The following CASZ1 variants were observed in gnomAD, a reference collection of about 807,000 sequenced individuals.
The protein encoded by CASZ1 is castor zinc finger 1.
A neutral mutation model predicts 135.2 loss-of-function variants in CASZ1; 28 were observed. The observed-to-expected ratio is 0.21, with a 90% CI of 0.15 to 0.28. The LOEUF is 0.28. Ranked by LOEUF, CASZ1 falls within the 10% of genes least tolerant of loss-of-function variation. CASZ1 has a pLI of 1.00. For synonymous variants in CASZ1, 1,068 were observed against 1,073.4 expected, an observed-to-expected ratio of 0.99 and a Z score of 0.10; for missense variants, 2,161 against 2,453.3, an observed-to-expected ratio of 0.88 and a Z score of 2.52.
chr1:10,758,424 C>T (rs552365151), intron 2 of CASZ1, among the ~76,000 whole-genome samples: 11 of 151,578 alleles, frequency 7.3e-5, no homozygotes, highest in South Asian at 2.1e-4. Flanking sequence ...CTCCGCCTCC[C>T]GGGTTCAAGT....
intron 1 of CASZ1, among the ~76,000 whole-genome samples, chr1:10,785,973 A>C (rs538302474): frequency 2.0e-4 from 30 of 152,346 alleles, no homozygotes; most frequent in Admixed American, 1.9e-3. Flanking sequence ...CGAGGAATGA[A>C]TCGTCCAAGT....
intron 1 of CASZ1, among the ~76,000 whole-genome samples, chr1:10,792,319 T>TCCCCCTCCCCTCCCC (rs201406555): frequency 5.9e-5 from 1 of 16,918 alleles, no homozygotes; most frequent in African/African-American, 2.9e-4. Context: ...GGCTTACCCC[T>TCCCCCTCCCCTCCCC]CCCCCCCGCC....
At chr1:10,730,267 C>T (rs530935794) in intron 2 of CASZ1, among the ~76,000 whole-genome samples, 44 of 152,272 alleles carry the variant, frequency 2.9e-4, no homozygotes, top group African/African-American at 1.0e-3. Context: ...CCCACCACCT[C>T]AGGTGATCTG....
At chr1:10,704,562 C>T (rs1043830567) in intron 3 of CASZ1, 29 of 152,258 alleles carry the variant, frequency 1.9e-4, no homozygotes, top group African/African-American at 6.8e-4. Context: ...TCTCCGTCCT[C>T]CTGGGGGGAA....
rs1355820365 is a variant in CASZ1, at chr1:10,645,030, A to T, written c.3755T>A (p.Val1252Glu). 5 of 1,614,048 alleles carry T rather than the reference A, an allele frequency of 3.1e-6. No individual in the cohort carries two copies. The highest frequency in any genetic ancestry group is 4.2e-6 in the Non-Finnish European group (5 of 1,180,006). Residue 1252 changes from valine to glutamate, a missense_variant, in exon 18 of 21, where the codon GTG becomes GAG. Transcript: ENST00000377022. ...GGGGAGCTTGGTGGTGATGTTGGTC[A>T]CAAAATAGCAGCCGGTGCGGAGGCA... ...YHCLRTGCYF[V>E]TNITTKLPWH... is the part of the protein sequence containing the mutation.
At chr1:10,652,949 C>T (rs1391566549) in intron 11 of CASZ1, 2 of 247,872 alleles carry the variant, frequency 8.1e-6, no homozygotes, top group African/African-American at 2.3e-5. Flanking sequence ...GAGGTGCAGC[C>T]CCACTACCGC....
intron 4 of CASZ1, among the ~76,000 whole-genome samples, chr1:10,688,233 ACC>A (rs1638656912): frequency 6.6e-6 from 1 of 152,136 alleles, no homozygotes; most frequent in Non-Finnish European, 1.5e-5. Context: ...TCACAGGTCT[ACC>A]CGGAGCCCCA....
chr1:10,679,351 A>G lies in CASZ1; in HGVS notation c.17-13780T>C, dbSNP rs549756655. On this transcript the variant is annotated intron_variant, in intron 4 of 20. Coordinates refer to ENST00000377022, the MANE Select transcript of CASZ1 (RefSeq NM_001079843.3). This position sits in a 1 kb window ranked among gnomAD's most constrained non-coding sequence, Gnocchi z 4.7. ...AGCGGTCCCTCTCCCAGCAGGCGGA[A>G]ACACTCCCAACCCCGGACTTAGGCC... Among the ~76,000 whole-genome samples, 1 of 152,256 alleles carries G rather than the reference A, an allele frequency of 6.6e-6. No individual in the cohort carries two copies. The highest frequency in any genetic ancestry group is 1.5e-5 in the Non-Finnish European group (1 of 67,996).
In CASZ1 at chr1:10,726,622, G is replaced by A. The variant is rs139336436; in HGVS notation, c.-76-21078C>T. Among the ~76,000 whole-genome samples the A allele has an allele frequency of 4.9e-4, 74 of 152,338 alleles. 1 individual carries two copies. The highest frequency in any genetic ancestry group is 1.3e-3 in the African/African-American group (55 of 41,582). On this transcript the variant is annotated intron_variant, in intron 2 of 20. Transcript: ENST00000377022. This position sits in a 1 kb window ranked among gnomAD's most constrained non-coding sequence, Gnocchi z 5.7. ...GCCAGCGTCTTTACTAGGCCCTGGCGCTGTGCGGCCCCTGCCTGGGTGCGG... is the reference window on the plus strand; with the variant it reads ...GCCAGCGTCTTTACTAGGCCCTGGCACTGTGCGGCCCCTGCCTGGGTGCGG...
chr1:10,750,903 A>AAT (rs371180293), intron 2 of CASZ1, among the ~76,000 whole-genome samples: 3,959 of 150,568 alleles, frequency 0.026, 195 homozygotes, highest in African/African-American at 0.09. Context: ...TGTCTCAAAA[A>AAT]ATATATATAT....
chr1:10,783,826 C>T (rs1342905994), intron 1 of CASZ1, among the ~76,000 whole-genome samples: 1 of 134,568 alleles, frequency 7.4e-6, no homozygotes, highest in African/African-American at 2.8e-5. Flanking sequence ...AAGCCTAGAT[C>T]GTGCCACTGC....
chr1:10,659,921 G>C lies in CASZ1; in HGVS notation c.1121C>G (p.Ser374Cys). 1.7e-5 allele frequency: 27 copies of C among 1,612,102 alleles called. No individual in the cohort carries two copies. The highest frequency in any genetic ancestry group is 2.3e-5 in the Non-Finnish European group (27 of 1,179,722). Reference protein sequence around the residue: ...AFKTGKVGRPSKYDVRGIQKP... With the variant: ...AFKTGKVGRPCKYDVRGIQKP... ...CTGGATGCCCCGGACGTCGTACTTG[G>C]AAGGGCGCCCCACCTTGCCTGTCTT... is the stretch of plus-strand genomic sequence containing the variant. Residue 374 changes from serine (S) to cysteine (C), a missense_variant, in exon 6 of 21, where the codon TCC becomes TGC. Transcript: ENST00000377022.
At chr1:10,674,293 C>G (rs560315968) in intron 4 of CASZ1, among the ~76,000 whole-genome samples, 1 of 152,240 alleles carries the variant, frequency 6.6e-6, no homozygotes, top group Non-Finnish European at 1.5e-5. Flanking sequence ...CAGGGTGACC[C>G]TGCCTCACCT....
At chr1:10,643,404 G>C in intron 18 of CASZ1, 93 bp from the exon 19 acceptor site, 1 of 1,367,006 alleles carries the variant, frequency 7.3e-7, no homozygotes, top group Non-Finnish European at 1.0e-6. Flanking sequence ...CATGGGGGCA[G>C]TGTGGTCAGT....
chr1:10,649,545 T>C, intron 13 of CASZ1, 108 bp from the exon 14 acceptor site: 1 of 1,293,628 alleles, frequency 7.7e-7, no homozygotes, highest in Non-Finnish European at 1.1e-6. Context: ...CACCCAGCCC[T>C]CAGAGCCAGC....
At chr1:10,766,982 C>T (rs1192859713) in intron 1 of CASZ1, among the ~76,000 whole-genome samples, 1 of 152,174 alleles carries the variant, frequency 6.6e-6, no homozygotes, top group African/African-American at 2.4e-5. Flanking sequence ...GAGGGAAGGG[C>T]TTTCAGGAGC....
chr1:10,781,176 T>C (rs1206451240), intron 1 of CASZ1, among the ~76,000 whole-genome samples: 1 of 152,236 alleles, frequency 6.6e-6, no homozygotes, highest in Non-Finnish European at 1.5e-5. Flanking sequence ...GAGGGGGCTC[T>C]GGGAGGAGAG....
At position 10,654,134 on chromosome 1, in the gene CASZ1, G is replaced by A; in HGVS notation, c.1923C>T (p.Ala641=). ...TGTAGAACTTCTTGAAGCCGTCCTT[G>A]GCGTAGGCATCGTCCTTGATGTGGT... is the stretch of plus-strand genomic sequence containing the variant. ...KSYHIKDDAY[A]KDGFKKFYKY... Residue 641 remains alanine (A), a synonymous_variant, in exon 11 of 21, where the codon GCC becomes GCT. Coordinates refer to ENST00000377022, the MANE Select transcript of CASZ1 (RefSeq NM_001079843.3). 1 of 1,614,204 alleles carries A rather than the reference G, an allele frequency of 6.2e-7. No individual in the cohort carries two copies. The highest frequency in any genetic ancestry group is 8.5e-7 in the Non-Finnish European group (1 of 1,180,036).
Position 10,694,332 on chromosome 1 carries a change from TA to T in CASZ1, c.-23-421del. The stretch of plus-strand genomic sequence containing the variant: ...GAGTCGAAAGCCGAATTCACTTAAA[TA>T]ATCAACTTTCATAATACTTAATTAA... On this transcript the variant is annotated intron_variant, in intron 3 of 20. Transcript: ENST00000377022. This position sits in a 1 kb window ranked among gnomAD's most constrained non-coding sequence, Gnocchi z 6.6. 1 of 1,156,614 alleles carries T rather than the reference TA, an allele frequency of 8.6e-7. No individual in the cohort carries two copies. Among genetic ancestry groups the T allele is most frequent in the Non-Finnish European group, 1.1e-6 (1 of 914,334 alleles). 71.6% of individuals were successfully genotyped at this position (1,156,614 alleles called of 1,614,324 possible).
Sources: allele counts gnomAD v4.1 joint callset (sites outside exome capture counted in the v4.1 genomes callset), GRCh38; gene constraint gnomAD v4.1.1; non-coding constraint Gnocchi (gnomAD v3.1); transcripts MANE v1.5; gene names NCBI Gene and HGNC (gene_info 2026-07-23, HGNC 2026-07-21).